XKRX: variants seen among roughly 807,000 people sequenced by gnomAD.
XKRX encodes the protein XK related X-linked.
In XKRX, 11 loss-of-function variants were observed where a neutral mutation model predicts 22.4. That is an observed-to-expected ratio of 0.49 (90% confidence interval 0.31 to 0.81). The LOEUF (loss-of-function observed/expected upper bound fraction) is 0.81. XKRX is among the 40% of genes least tolerant of loss of function. The pLI is 0.05. For synonymous variants in XKRX, 114 were observed against 132.2 expected, an observed-to-expected ratio of 0.86 and a Z score of 0.94; for missense variants, 320 against 336.5, an observed-to-expected ratio of 0.95 and a Z score of 0.38.
downstream of XKRX, chrX:100,911,346 T>C (rs759165984): frequency 1.9e-5 from 16 of 860,354 alleles, no homozygotes; most frequent in Non-Finnish European, 2.8e-5. Context: ...ACTTTGGGTG[T>C]TATTACCAAA....
chrX:100,889,788 G>A, the XKRX span, among the ~76,000 whole-genome samples: 1 of 111,527 alleles, frequency 9.0e-6, no homozygotes, highest in African/African-American at 3.3e-5. Context: ...TGGATAGCTT[G>A]AGCCCAGGAG....
the XKRX span, among the ~76,000 whole-genome samples, chrX:100,895,379 G>A: frequency 8.9e-6 from 1 of 112,611 alleles, no homozygotes; most frequent in South Asian, 3.7e-4. Flanking sequence ...ATGCATTTTA[G>A]AATAGATGAA....
chrX:100,891,421 T>G, the XKRX span, among the ~76,000 whole-genome samples: 1 of 111,490 alleles, frequency 9.0e-6, no homozygotes, highest in Admixed American at 9.6e-5. Flanking sequence ...GGAGGAATTA[T>G]GTTACCCGAT....
At position 100,913,974 on chromosome X, in the gene XKRX, G is replaced by A. The variant is rs1423903199; in HGVS notation, c.*364C>T. Reference sequence around the variant, plus strand: ...TCAGGATATATTCTAGCGGGATTCTGGGCCTTCAGCTCAGCCCAGGAAAGC... The same window carrying A: ...TCAGGATATATTCTAGCGGGATTCTAGGCCTTCAGCTCAGCCCAGGAAAGC... On this transcript the variant is annotated 3_prime_UTR_variant, in exon 3 of 3. Coordinates refer to ENST00000372956, the MANE Select transcript of XKRX (RefSeq NM_212559.3). 5.8e-6 allele frequency: 1 copy of A among 172,413 alleles called. No homozygotes were observed. Among genetic ancestry groups the A allele is most frequent in the Non-Finnish European group, 1.1e-5 (1 of 91,023 alleles). The allele number at this position is 172,413 out of a possible 1,213,427, so 14.2% of individuals were successfully genotyped here.
At chrX:100,907,722 G>A in the XKRX span, among the ~76,000 whole-genome samples, 2 of 111,765 alleles carry the variant, frequency 1.8e-5, no homozygotes, top group Non-Finnish European at 3.8e-5. Flanking sequence ...AAATTTTCTG[G>A]TGGTTAAAAT....
upstream of XKRX, among the ~76,000 whole-genome samples, chrX:100,932,905 C>T (rs969038413): frequency 6.3e-5 from 7 of 111,912 alleles, no homozygotes; most frequent in African/African-American, 2.3e-4. Context: ...TGGCTCACAC[C>T]TGTAATCCCA....
rs2085508046 is a variant in XKRX, at chrX:100,928,483, C to T, written c.-179G>A. Reference sequence around the variant, plus strand: ...AACCGCTCTCTTCTAGACTCAGATTCGACTTGGAGTCTGGGATGGAAAGCC... The same window carrying T: ...AACCGCTCTCTTCTAGACTCAGATTTGACTTGGAGTCTGGGATGGAAAGCC... On this transcript the variant is annotated 5_prime_UTR_variant, in exon 1 of 3. Transcript: ENST00000372956. The T allele has an allele frequency of 7.3e-6, 8 of 1,089,725 alleles. No individual in the cohort carries two copies. Among genetic ancestry groups the T allele is most frequent in the Admixed American group, 3.4e-5 (1 of 29,201 alleles). The allele number at this position is 1,089,725 out of a possible 1,213,427, so 89.8% of individuals were successfully genotyped here. A position where few individuals can be genotyped will look rare whatever the true frequency, so the allele number is the denominator to read the frequency against.
the XKRX span, among the ~76,000 whole-genome samples, chrX:100,944,287 G>C: frequency 8.9e-6 from 1 of 112,319 alleles, no homozygotes. Flanking sequence ...ACATGGAGGA[G>C]AGGTAGTGAC....
intron 2 of XKRX, among the ~76,000 whole-genome samples, chrX:100,916,530 G>T (rs756292905): frequency 1.8e-5 from 2 of 112,291 alleles, no homozygotes; most frequent in Non-Finnish European, 3.8e-5. Flanking sequence ...AAGGCGGAAA[G>T]AACTCTATCT....
chrX:100,931,924 A>G (rs577327525), upstream of XKRX, among the ~76,000 whole-genome samples: 1 of 111,940 alleles, frequency 8.9e-6, no homozygotes, highest in African/African-American at 3.2e-5. Flanking sequence ...AAGGATTTCT[A>G]TAGCATTCTT....
downstream of XKRX, chrX:100,913,383 T>TACACACACACACACACACAC (rs56001687): frequency 1.4e-4 from 13 of 92,382 alleles, no homozygotes; most frequent in Non-Finnish European, 2.4e-4. Context: ...CACATACACA[T>TACACACACACACACACACAC]ACACACACAC....
At chrX:100,888,667 C>T in the XKRX span, 37 of 370,494 alleles carry the variant, frequency 1.0e-4, no homozygotes, top group Non-Finnish European at 1.5e-4. Context: ...AGCTGACAAA[C>T]GTATCTGGAG....
the XKRX span, among the ~76,000 whole-genome samples, chrX:100,902,064 A>T: frequency 9.0e-6 from 1 of 111,323 alleles, no homozygotes; most frequent in Non-Finnish European, 1.9e-5. Flanking sequence ...AAAGAATAGA[A>T]ATCATACAAA....
chrX:100,921,642 T>C (rs761925503), intron 2 of XKRX, among the ~76,000 whole-genome samples: 1 of 110,561 alleles, frequency 9.0e-6, no homozygotes, highest in East Asian at 2.9e-4. Flanking sequence ...TTAACAACAA[T>C]TTATCTCAAC....
intron 1 of XKRX, among the ~76,000 whole-genome samples, chrX:100,924,217 G>C (rs967822671): frequency 9.1e-6 from 1 of 109,321 alleles, no homozygotes; most frequent in Non-Finnish European, 1.9e-5. Flanking sequence ...GGACAGATCA[G>C]AGGAAAAAAA....
intron 2 of XKRX, among the ~76,000 whole-genome samples, chrX:100,919,435 G>A (rs372849931): frequency 1.1e-4 from 12 of 111,737 alleles, no homozygotes; most frequent in Non-Finnish European, 1.7e-4. Flanking sequence ...CATATTACAC[G>A]TATGACATGT....
At chrX:100,912,684 ATTAG>A (rs2085410992), downstream of XKRX, among the ~76,000 whole-genome samples, 2 of 111,760 alleles carry the variant, frequency 1.8e-5, no homozygotes. Flanking sequence ...AGGGGCAAGC[ATTAG>A]TTAGGTAAAT....
At chrX:100,900,258 A>G in the XKRX span, among the ~76,000 whole-genome samples, 2 of 110,321 alleles carry the variant, frequency 1.8e-5, no homozygotes, top group Admixed American at 1.9e-4. Context: ...TGGGGGTCTC[A>G]CTATGTTGCC....
chrX:100,951,446 G>T, the XKRX span, among the ~76,000 whole-genome samples: 3 of 73,514 alleles, frequency 4.1e-5, no homozygotes, highest in African/African-American at 1.6e-4. Context: ...TCCCCCGGGG[G>T]TGGGGGGTGG....
Sources: gnomAD v4.1 joint callset for allele counts (sites outside exome capture counted in the v4.1 genomes callset) on GRCh38, gnomAD v4.1.1 for gene constraint, MANE v1.5 for transcripts, NCBI Gene and HGNC (gene_info 2026-07-23, HGNC 2026-07-21) for gene names.